Variants in SKP2 observed in about 807,000 individuals in gnomAD.
SKP2 encodes S-phase kinase-associated protein 2.
Under a neutral mutation model 51.8 loss-of-function variants are expected in SKP2, and 16 were observed. The observed-to-expected ratio is 0.31, with a 90% CI of 0.21 to 0.47. The LOEUF (loss-of-function observed/expected upper bound fraction) is 0.47, where lower values mean the gene tolerates loss of function less well. Among genes scored for constraint, SKP2 ranks in the 20% least tolerant of loss-of-function variants. The pLI, the probability that SKP2 is intolerant of heterozygous loss-of-function variation, is 1.00. For synonymous variants in SKP2, 176 were observed against 198.6 expected (o/e 0.89, Z 0.96); for missense variants, 377 against 505.3 (o/e 0.75, Z 2.43).
At chr5:36,189,824 T>A (rs528925681) in intron 6 of SKP2, among the ~76,000 whole-genome samples, 7 of 151,922 alleles carry the variant, frequency 4.6e-5, no homozygotes, top group South Asian at 4.2e-4. Flanking sequence ...AGAGGTGGAG[T>A]CTACAGAGGC....
chr5:36,171,377 C>T (rs147164255), intron 6 of SKP2, among the ~76,000 whole-genome samples: 1 of 152,222 alleles, frequency 6.6e-6, no homozygotes, highest in Non-Finnish European at 1.5e-5. Context: ...CTCTCCATTT[C>T]GAGGAGGAGG....
At chr5:36,185,183 C>T (rs1168278132), downstream of SKP2, among the ~76,000 whole-genome samples, 2 of 152,118 alleles carry the variant, frequency 1.3e-5, no homozygotes, top group South Asian at 4.1e-4. Context: ...GAGTAGATTG[C>T]AAAAATTTTC....
At chr5:36,181,794 G>T in intron 9 of SKP2, 24 bp from the exon 10 acceptor site, 1 of 1,613,060 alleles carries the variant, frequency 6.2e-7, no homozygotes, top group Non-Finnish European at 8.5e-7. Context: ...CTGCTATTCT[G>T]AAAGTCTTTT....
intron 2 of SKP2, among the ~76,000 whole-genome samples, chr5:36,161,820 G>A (rs779348801): frequency 6.6e-6 from 1 of 152,176 alleles, no homozygotes; most frequent in Non-Finnish European, 1.5e-5. Flanking sequence ...ACCTTTAAAT[G>A]GGAGTAGGAG....
At chr5:36,175,279 A>T (rs1745595948) in intron 7 of SKP2, among the ~76,000 whole-genome samples, 1 of 152,128 alleles carries the variant, frequency 6.6e-6, no homozygotes, top group African/African-American at 2.4e-5. Context: ...ACTTGCTGAG[A>T]TGGGAAAGAG....
intron 2 of SKP2, 45 bp from the exon 3 acceptor site, chr5:36,163,600 A>T: frequency 8.6e-7 from 1 of 1,162,030 alleles, no homozygotes; most frequent in Non-Finnish European, 1.3e-6. Flanking sequence ...TAGACTTGAT[A>T]GGGTGAAAGA....
Position 36,152,982 on chromosome 5 carries a change from G to A in SKP2, c.220G>A (p.Gly74Arg). The A allele has an allele frequency of 6.2e-7, 1 of 1,614,180 alleles. No homozygotes were observed. The highest frequency in any genetic ancestry group is 8.5e-7 in the Non-Finnish European group (1 of 1,180,034). Residue 74 changes from glycine to arginine, a missense_variant, in exon 2 of 10, where the codon GGG becomes AGG. Gly to Arg is a moderately radical substitution (Grantham distance 125). This residue lies in a region of SKP2 where 115 missense variants were observed against 115.5 expected (regional missense o/e 1.00). Transcript: ENST00000274255. Reference protein sequence around the residue: ...SPPRKRLKSKGSDKDFVIVRR... With the variant: ...SPPRKRLKSKRSDKDFVIVRR... ...CCCACGGAAACGGCTGAAGAGCAAA[G>A]GGAGTGACAAAGACTTTGTGATTGT... is the stretch of plus-strand genomic sequence containing the variant.
In SKP2 at chr5:36,152,114, G is replaced by A; in HGVS notation, c.-149G>A. On this transcript the variant is annotated 5_prime_UTR_variant, in exon 1 of 10. Coordinates refer to ENST00000274255, the MANE Select transcript of SKP2 (RefSeq NM_005983.4). Reference sequence around the variant, plus strand: ...GGCTGTAGAGCCTTGCGCGCGCAGTGGGGATGGAACGTTGCTAGGCTTAGC... The same window carrying A: ...GGCTGTAGAGCCTTGCGCGCGCAGTAGGGATGGAACGTTGCTAGGCTTAGC... 1.3e-6 allele frequency: 1 copy of A among 764,292 alleles called. No individual in the cohort carries two copies. The highest frequency in any genetic ancestry group is 2.3e-6 in the Non-Finnish European group (1 of 444,226). The allele number at this position is 764,292 out of a possible 1,614,324, so 47.3% of individuals were successfully genotyped here.
intron 7 of SKP2, chr5:36,193,024 A>G (rs936468652): frequency 2.0e-5 from 3 of 152,248 alleles, no homozygotes; most frequent in African/African-American, 7.2e-5. Context: ...GTTAGAAATT[A>G]TATCACAAAT....
In SKP2 at chr5:36,166,682, G is replaced by C; in HGVS notation, c.536+20G>C. On this transcript the variant is annotated intron_variant, in intron 4 of 9. Transcript: ENST00000274255. Reference sequence around the variant, plus strand: ...TTTCAGGTAAAGATGAAAAATCCCTGGAAAAGACTATTTCTAAATTTCGAG... The same window carrying C: ...TTTCAGGTAAAGATGAAAAATCCCTCGAAAAGACTATTTCTAAATTTCGAG... 1 of 1,600,754 alleles carries C rather than the reference G, an allele frequency of 6.2e-7. No homozygotes were observed. Among genetic ancestry groups the C allele is most frequent in the Non-Finnish European group, 8.6e-7 (1 of 1,169,164 alleles).
Position 36,152,126 on chromosome 5 carries a change from T to C in SKP2, c.-137T>C, listed in dbSNP as rs1019922696. 8 of 874,776 alleles carry C rather than the reference T, an allele frequency of 9.1e-6. No individual in the cohort carries two copies. The highest frequency in any genetic ancestry group is 4.9e-5 in the African/African-American group (3 of 60,676). The allele number at this position is 874,776 out of a possible 1,614,324, so 54.2% of individuals were successfully genotyped here. A position where few individuals can be genotyped will look rare whatever the true frequency, so the allele number is the denominator to read the frequency against. ...TTGCGCGCGCAGTGGGGATGGAACGTTGCTAGGCTTAGCGGGTCTGGCTGC... is the reference window on the plus strand; with the variant it reads ...TTGCGCGCGCAGTGGGGATGGAACGCTGCTAGGCTTAGCGGGTCTGGCTGC... On this transcript the variant is annotated 5_prime_UTR_variant, in exon 1 of 10. Coordinates refer to ENST00000274255, the MANE Select transcript of SKP2 (RefSeq NM_005983.4).
chr5:36,169,384 G>A (rs904884014), intron 5 of SKP2, among the ~76,000 whole-genome samples: 2 of 151,956 alleles, frequency 1.3e-5, no homozygotes, highest in African/African-American at 4.8e-5. Context: ...GGCGGAGGTT[G>A]CCATGAGCTG....
rs1205974089 is a variant in SKP2 at position 36,166,604 on chromosome 5, G to T, written c.478G>T (p.Val160Leu). The T allele has an allele frequency of 6.2e-7, 1 of 1,613,854 alleles. No homozygotes were observed. Among genetic ancestry groups the T allele is most frequent in the African/African-American group, 1.3e-5 (1 of 74,884 alleles). The change falls in exon 4 of 10, where the codon GTG becomes TTG. Residue 160 changes from valine (V) to leucine (L), a missense_variant. Physicochemically the swap from Val to Leu is conservative, Grantham distance 32 (BLOSUM62 1). Transcript: ENST00000274255. The stretch of plus-strand genomic sequence containing the variant: ...GACTGGTCGGTTGCTGTCTCAAGGG[G>T]TGATTGCCTTCCGCTGCCCACGATC... ...DVTGRLLSQGVIAFRCPRSFM... is the reference protein window; with the variant it reads ...DVTGRLLSQGLIAFRCPRSFM...
intron 6 of SKP2, among the ~76,000 whole-genome samples, chr5:36,191,392 CT>C (rs201765544): frequency 0.054 from 6,597 of 121,964 alleles, 158 homozygotes; most frequent in Non-Finnish European, 0.072. Context: ...TCATCAAGTT[CT>C]TTTTTTTTTT....
intron 4 of SKP2, 83 bp from the exon 5 acceptor site, chr5:36,168,230 T>C (rs1745351827): frequency 1.5e-6 from 2 of 1,323,400 alleles, no homozygotes; most frequent in South Asian, 1.3e-5. Context: ...GGCTGCTCAT[T>C]TGGGGAGAAG....
intron 9 of SKP2, chr5:36,177,505 G>A: frequency 4.8e-6 from 3 of 625,676 alleles, no homozygotes; most frequent in Non-Finnish European, 8.9e-6. Flanking sequence ...TTGTTTAGCT[G>A]TAAGCAGTTT....
chr5:36,165,657 T>G (rs1745260373), intron 3 of SKP2, among the ~76,000 whole-genome samples: 1 of 152,190 alleles, frequency 6.6e-6, no homozygotes, highest in Non-Finnish European at 1.5e-5. Context: ...CAAATCACAC[T>G]GACAATTTTT....
intron 2 of SKP2, among the ~76,000 whole-genome samples, chr5:36,162,470 G>A (rs1241037932): frequency 6.6e-6 from 1 of 152,106 alleles, no homozygotes; most frequent in Non-Finnish European, 1.5e-5. Flanking sequence ...CCCTTGCCCT[G>A]TTTAATTTTT....
downstream of SKP2, among the ~76,000 whole-genome samples, chr5:36,186,876 A>C (rs1745960616): frequency 6.6e-6 from 1 of 152,030 alleles, no homozygotes; most frequent in Non-Finnish European, 1.5e-5. Flanking sequence ...CTGGTCCTCG[A>C]CTTTTTTTGG....
Sources: allele counts gnomAD v4.1 joint callset (sites outside exome capture counted in the v4.1 genomes callset), GRCh38; gene constraint gnomAD v4.1.1; regional missense constraint gnomAD v4.1.1; transcripts MANE v1.5; gene names NCBI Gene and HGNC (gene_info 2026-07-23, HGNC 2026-07-21).